The following ZMAT4 variants were observed in gnomAD, a reference collection of about 807,000 sequenced individuals.
The protein encoded by ZMAT4 is zinc finger matrin-type 4.
Under a neutral mutation model 28.7 loss-of-function variants are expected in ZMAT4, and 17 were observed. The observed-to-expected ratio is 0.59, with a 90% CI of 0.41 to 0.89. The LOEUF is 0.89. Ranked by LOEUF, ZMAT4 falls within the 40% of genes least tolerant of loss-of-function variation. The pLI is 0.00. For synonymous variants in ZMAT4, 117 were observed against 109.2 expected, an observed-to-expected ratio of 1.07 and a Z score of -0.44; for missense variants, 240 against 283.8, an observed-to-expected ratio of 0.85 and a Z score of 1.11.
At chr8:40,820,814 T>TCAG (rs879501808) in intron 2 of ZMAT4, among the ~76,000 whole-genome samples, 1 of 21,072 alleles carries the variant, frequency 4.7e-5, no homozygotes. Context: ...TGTGTGGGTG[T>TCAG]GTGTATGTGT....
At chr8:40,773,312 T>G (rs1255783971) in intron 2 of ZMAT4, among the ~76,000 whole-genome samples, 4 of 152,154 alleles carry the variant, frequency 2.6e-5, no homozygotes. Context: ...GACCCCGAGG[T>G]GCCAGGTCCC....
intron 3 of ZMAT4, among the ~76,000 whole-genome samples, chr8:40,750,103 A>G (rs1459494048): frequency 6.6e-6 from 1 of 152,170 alleles, no homozygotes; most frequent in Non-Finnish European, 1.5e-5. Flanking sequence ...GACATTCATC[A>G]TTGTCTCAGC....
At chr8:40,766,009 C>A (rs191933036) in intron 3 of ZMAT4, among the ~76,000 whole-genome samples, 1 of 152,268 alleles carries the variant, frequency 6.6e-6, no homozygotes, top group Admixed American at 6.5e-5. Context: ...TAGGCCAACT[C>A]TCCCATGGCT....
At chr8:40,788,143 T>C (rs1271705961) in intron 2 of ZMAT4, among the ~76,000 whole-genome samples, 1 of 152,146 alleles carries the variant, frequency 6.6e-6, no homozygotes, top group East Asian at 1.9e-4. Context: ...ACACTAATCA[T>C]GAATATCAGG....
chr8:40,589,766 C>T (rs924722135), intron 5 of ZMAT4, among the ~76,000 whole-genome samples: 4 of 134,546 alleles, frequency 3.0e-5, no homozygotes, highest in African/African-American at 8.4e-5. Context: ...CTTTCTTTTT[C>T]TTTCTTTCTT....
At chr8:40,887,278 T>A (rs1417277625) in intron 1 of ZMAT4, among the ~76,000 whole-genome samples, 1 of 150,936 alleles carries the variant, frequency 6.6e-6, no homozygotes, top group Non-Finnish European at 1.5e-5. Flanking sequence ...CACCTGAGGT[T>A]GGGAGTTCAA....
chr8:40,640,650 G>C (rs148793109), intron 5 of ZMAT4, among the ~76,000 whole-genome samples: 7 of 151,844 alleles, frequency 4.6e-5, no homozygotes, highest in Admixed American at 4.6e-4. Flanking sequence ...TGTCAACTTA[G>C]CTCCCTTTAC....
chr8:40,839,267 C>T (rs1386076038), intron 1 of ZMAT4, among the ~76,000 whole-genome samples: 6 of 152,206 alleles, frequency 3.9e-5, no homozygotes, highest in African/African-American at 9.7e-5. Flanking sequence ...GCTGGCGAGA[C>T]GAAAGCAAGG....
At chr8:40,645,671 T>C (rs974358721) in intron 5 of ZMAT4, among the ~76,000 whole-genome samples, 1 of 152,112 alleles carries the variant, frequency 6.6e-6, no homozygotes, top group African/African-American at 2.4e-5. Context: ...TGCTTCAAGT[T>C]TGGATGTAAC....
At chr8:40,719,298 C>A (rs1023673594) in intron 3 of ZMAT4, among the ~76,000 whole-genome samples, 8 of 151,968 alleles carry the variant, frequency 5.3e-5, no homozygotes, top group Non-Finnish European at 1.2e-4. Flanking sequence ...AAAAAATTAC[C>A]CAGGCGTGGT....
At chr8:40,848,038 G>A (rs773151662) in intron 1 of ZMAT4, among the ~76,000 whole-genome samples, 43 of 152,306 alleles carry the variant, frequency 2.8e-4, no homozygotes, top group Non-Finnish European at 4.7e-4. Context: ...TAAATGAGGA[G>A]CGGTTTATCT....
intron 2 of ZMAT4, among the ~76,000 whole-genome samples, chr8:40,824,870 T>G (rs945827724): frequency 2.6e-5 from 4 of 152,336 alleles, no homozygotes; most frequent in African/African-American, 9.6e-5. Flanking sequence ...CTCCCAGTTC[T>G]CTTTACTCAA....
intron 5 of ZMAT4, among the ~76,000 whole-genome samples, chr8:40,623,211 C>T (rs6996007): frequency 0.34 from 51,996 of 152,098 alleles, 9,424 homozygotes; most frequent in African/African-American, 0.47. Flanking sequence ...CTAGATGTAA[C>T]AGAAGAAGCC....
At chr8:40,715,436 T>C (rs1810809964) in intron 3 of ZMAT4, among the ~76,000 whole-genome samples, 1 of 151,842 alleles carries the variant, frequency 6.6e-6, no homozygotes, top group Non-Finnish European at 1.5e-5. Flanking sequence ...AGAGCAAGAG[T>C]AGAAACAAAA....
At chr8:40,656,549 C>A (rs1449187828) in intron 5 of ZMAT4, among the ~76,000 whole-genome samples, 3 of 151,832 alleles carry the variant, frequency 2.0e-5, no homozygotes, top group African/African-American at 2.4e-5. Flanking sequence ...TTAATGTCCA[C>A]CAATGAATAA....
chr8:40,829,946 GC>G (rs1352454813), intron 1 of ZMAT4, among the ~76,000 whole-genome samples: 8 of 152,068 alleles, frequency 5.3e-5, no homozygotes, highest in Non-Finnish European at 1.5e-5. Context: ...AAGGGGGAAG[GC>G]AGAAAAATGC....
chr8:40,560,164 C>A (rs922020413), intron 6 of ZMAT4, among the ~76,000 whole-genome samples: 1 of 149,762 alleles, frequency 6.7e-6, no homozygotes, highest in Non-Finnish European at 1.5e-5. Flanking sequence ...AAGTGATTTC[C>A]TTTTGAATTA....
rs567153279 is a variant in ZMAT4 at position 40,537,734 on chromosome 8, G to A, written c.675-5496C>T. Reference sequence around the variant, plus strand: ...AATTAATGAAATGTTAGAGCCAGAAGGGATCCCAGAGATTATCTAGGGAGG... The same window carrying A: ...AATTAATGAAATGTTAGAGCCAGAAAGGATCCCAGAGATTATCTAGGGAGG... On this transcript the variant is annotated intron_variant, in intron 6 of 6. Transcript: ENST00000297737. Among the ~76,000 whole-genome samples, 5 of 152,260 alleles carry A rather than the reference G, an allele frequency of 3.3e-5. No individual in the cohort carries two copies. In the South Asian group the frequency reaches 1.0e-3, roughly 32 times the overall value.
intron 1 of ZMAT4, among the ~76,000 whole-genome samples, chr8:40,885,458 C>T (rs1006364353): frequency 7.2e-5 from 11 of 152,202 alleles, no homozygotes; most frequent in Non-Finnish European, 1.2e-4. Context: ...CTCCACAGAG[C>T]CCCACTCCAC....
Sources: allele counts gnomAD v4.1 joint callset (sites outside exome capture counted in the v4.1 genomes callset), GRCh38; gene constraint gnomAD v4.1.1; transcripts MANE v1.5; gene names NCBI Gene and HGNC (gene_info 2026-07-23, HGNC 2026-07-21).